Variants in SEMA5A observed in about 807,000 individuals in gnomAD.
The protein encoded by SEMA5A is semaphorin 5A, also known as semaphorin-5A.
In SEMA5A, 55 loss-of-function variants were observed where a neutral mutation model predicts 135.5. That is an observed-to-expected ratio of 0.41 (90% CI 0.33 to 0.51). The LOEUF is 0.51. SEMA5A is among the 20% of genes least tolerant of loss of function. SEMA5A has a pLI of 0.37. For missense variants in SEMA5A, 1,290 were observed against 1,419.9 expected (o/e 0.91, Z 1.47); for synonymous variants, 580 against 546.5 (o/e 1.06, Z -0.85).
At chr5:9,263,953 A>G (rs1482680826) in intron 5 of SEMA5A, among the ~76,000 whole-genome samples, 1 of 152,222 alleles carries the variant, frequency 6.6e-6, no homozygotes, top group Non-Finnish European at 1.5e-5. Flanking sequence ...AGAAATTGAT[A>G]AGAAGTGAAT....
At chr5:9,449,664 C>T (rs1322522996) in intron 1 of SEMA5A, among the ~76,000 whole-genome samples, 1 of 151,986 alleles carries the variant, frequency 6.6e-6, no homozygotes, top group Non-Finnish European at 1.5e-5. Context: ...AGGGGCATAT[C>T]CCTAAAGTTA....
chr5:9,364,260 A>G (rs1368511764), intron 3 of SEMA5A, among the ~76,000 whole-genome samples: 1 of 152,220 alleles, frequency 6.6e-6, no homozygotes, highest in African/African-American at 2.4e-5. Context: ...ACATTGAACA[A>G]TTTTGTGCAG....
At chr5:9,134,476 T>C (rs546985566) in intron 13 of SEMA5A, among the ~76,000 whole-genome samples, 4 of 152,142 alleles carry the variant, frequency 2.6e-5, no homozygotes, top group African/African-American at 4.8e-5. Context: ...TAAAGACATA[T>C]ACAATACATA....
intron 1 of SEMA5A, among the ~76,000 whole-genome samples, chr5:9,533,991 C>A (rs1278244194): frequency 1.3e-5 from 2 of 152,128 alleles, no homozygotes; most frequent in Non-Finnish European, 2.9e-5. Flanking sequence ...AAAGATACAC[C>A]AGCACTCACC....
rs1338050057 is a variant in SEMA5A, at chr5:9,035,113, AAATAT to A, written c.*7779_*7783del. On this transcript the variant is annotated 3_prime_UTR_variant, in exon 23 of 23. Transcript: ENST00000382496. The stretch of plus-strand genomic sequence containing the variant: ...TATTTACATAAAACATAAGTACAAA[AAATAT>A]AATACAATTTATACTGTACACAATC... The A allele has an allele frequency of 5.2e-5, 8 of 152,616 alleles. No homozygotes were observed. Among genetic ancestry groups the A allele is most frequent in the African/African-American group, 1.7e-4 (7 of 41,442 alleles). 9.5% of individuals were successfully genotyped at this position (152,616 alleles called of 1,614,324 possible). A position where few individuals can be genotyped will look rare whatever the true frequency, so the allele number is the denominator to read the frequency against.
At position 9,154,062 on chromosome 5, in the gene SEMA5A, AAT is replaced by A. The variant is rs1553993746; in HGVS notation, c.1481+424_1481+425del. Among the ~76,000 whole-genome samples, 266 of 68,236 alleles carry A rather than the reference AAT, an allele frequency of 3.9e-3. 1 individual carries two copies. Among genetic ancestry groups the A allele is most frequent in the Middle Eastern group, 0.017 (2 of 120 alleles). The allele number at this position is 68,236 out of a possible 152,430, so 44.8% of individuals were successfully genotyped here. On this transcript the variant is annotated intron_variant, in intron 12 of 22. Transcript: ENST00000382496. ...CTGTGTCTCAAAAAAAAAAAAAAAA[AAT>A]ATATATATATATATATATATATATA...
Position 9,221,586 on chromosome 5 carries a change from G to C in SEMA5A, c.646+3088C>G, listed in dbSNP as rs184794182. Among the ~76,000 whole-genome samples the C allele has an allele frequency of 4.2e-3, 641 of 152,282 alleles. 5 individuals are homozygous for C. Among genetic ancestry groups the C allele is most frequent in the Middle Eastern group, 0.01 (3 of 294 alleles). ...CAAAGTGCTGGGATTACAGGCGTGA[G>C]CCACCGCGCCTGGCCCCCCGAACAT... On this transcript the variant is annotated intron_variant, in intron 8 of 22. Coordinates refer to ENST00000382496, the MANE Select transcript of SEMA5A (RefSeq NM_003966.3).
intron 8 of SEMA5A, among the ~76,000 whole-genome samples, chr5:9,202,498 GTTAATGGGACGTTAATACCAACAAAAA>G: frequency 6.6e-6 from 1 of 152,320 alleles, no homozygotes; most frequent in African/African-American, 2.4e-5. Flanking sequence ...TAGGGCTCAA[GTTAATGGGACGTTAATACCAACAAAAA>G]TTGGCAGCAA....
In SEMA5A at chr5:9,230,556, T is replaced by C. The variant is rs1806020; in HGVS notation, c.334-3589A>G. ...TGAGAATACATGAAGACACTGGCTCTATTATTGGCGATGAGCCACATCCCC... is the reference window on the plus strand; with the variant it reads ...TGAGAATACATGAAGACACTGGCTCCATTATTGGCGATGAGCCACATCCCC... On this transcript the variant is annotated intron_variant, in intron 6 of 22. Coordinates refer to ENST00000382496, the MANE Select transcript of SEMA5A (RefSeq NM_003966.3). 3.6e-3 allele frequency among the ~76,000 whole-genome samples: 552 copies of C among 152,322 alleles called. 13 individuals carry two copies. Among genetic ancestry groups the C allele is most frequent in the East Asian group, 0.035 (181 of 5,172 alleles).
At chr5:9,355,286 G>A (rs550952104) in intron 3 of SEMA5A, among the ~76,000 whole-genome samples, 2 of 152,270 alleles carry the variant, frequency 1.3e-5, no homozygotes, top group African/African-American at 4.8e-5. Flanking sequence ...GAACAGTCAA[G>A]GGGGAGGCAT....
intron 4 of SEMA5A, among the ~76,000 whole-genome samples, chr5:9,322,374 G>T (rs182717921): frequency 9.2e-5 from 14 of 152,180 alleles, no homozygotes; most frequent in Admixed American, 9.2e-4. Context: ...GGGAAAGGAA[G>T]GGGCAAAGAG....
intron 5 of SEMA5A, among the ~76,000 whole-genome samples, chr5:9,249,391 G>A (rs1748655632): frequency 6.6e-6 from 1 of 152,102 alleles, no homozygotes; most frequent in Non-Finnish European, 1.5e-5. Flanking sequence ...TGGTCACGTT[G>A]CCATTACTTA....
chr5:9,131,914 T>C (rs1233890192), intron 13 of SEMA5A, among the ~76,000 whole-genome samples: 1 of 152,146 alleles, frequency 6.6e-6, no homozygotes, highest in Non-Finnish European at 1.5e-5. Context: ...TGGATGGTAT[T>C]CATGCATAAA....
chr5:9,091,068 AG>A (rs1739005101), intron 16 of SEMA5A, among the ~76,000 whole-genome samples: 1 of 152,172 alleles, frequency 6.6e-6, no homozygotes, highest in South Asian at 2.1e-4. Context: ...TCTCAAACCA[AG>A]GAAGCACAAG....
At position 9,172,757 on chromosome 5, in the gene SEMA5A, T is replaced by C. The variant is rs534284462; in HGVS notation, c.1273+17510A>G. ...TTTTAGTTACACATGAGAACAATTC[T>C]TAATACATATTTTCTGGTTATAAGA... On this transcript the variant is annotated intron_variant, in intron 11 of 22. Transcript: ENST00000382496. Among the ~76,000 whole-genome samples, 4 of 152,346 alleles carry C rather than the reference T, an allele frequency of 2.6e-5. No homozygotes were observed. The East Asian group carries it at 7.7e-4, about 29-fold the overall frequency.
At chr5:9,518,279 G>A (rs1736635351) in intron 1 of SEMA5A, among the ~76,000 whole-genome samples, 1 of 152,152 alleles carries the variant, frequency 6.6e-6, no homozygotes, top group Admixed American at 6.5e-5. Flanking sequence ...TATGTGTCCT[G>A]ATGATAAAAT....
intron 15 of SEMA5A, among the ~76,000 whole-genome samples, chr5:9,118,592 T>C (rs1466481450): frequency 6.6e-6 from 1 of 152,168 alleles, no homozygotes; most frequent in Non-Finnish European, 1.5e-5. Context: ...CTACCGCACC[T>C]GCCCAGTAGT....
chr5:9,415,843 C>T (rs779678740), intron 2 of SEMA5A, among the ~76,000 whole-genome samples: 14 of 152,218 alleles, frequency 9.2e-5, no homozygotes, highest in Admixed American at 3.3e-4. Context: ...CTAGAGCTGG[C>T]ATCAGATCTC....
intron 16 of SEMA5A, among the ~76,000 whole-genome samples, chr5:9,098,877 A>T (rs1000275928): frequency 6.6e-6 from 1 of 152,242 alleles, no homozygotes; most frequent in Non-Finnish European, 1.5e-5. Flanking sequence ...GTGTGTGTGT[A>T]CAATTTAAGT....
Sources: gnomAD v4.1 joint callset for allele counts (sites outside exome capture counted in the v4.1 genomes callset) on GRCh38, gnomAD v4.1.1 for gene constraint, MANE v1.5 for transcripts, NCBI Gene and HGNC (gene_info 2026-07-23, HGNC 2026-07-21) for gene names.